DOCK3: variants seen among roughly 807,000 people sequenced by gnomAD.
DOCK3 encodes the protein dedicator of cytokinesis 3, also known as dedicator of cytokinesis protein 3.
In DOCK3, 60 loss-of-function variants were observed where a neutral mutation model predicts 265.6. That is an observed-to-expected ratio of 0.23 (90% CI 0.18 to 0.28). DOCK3 has a LOEUF of 0.28. Ranked by LOEUF, DOCK3 falls within the 10% of genes least tolerant of loss-of-function variation. The probability of loss-of-function intolerance (pLI) is 1.00; values close to 1 mark genes in which losing one functional copy is unlikely to be tolerated. For synonymous variants in DOCK3, 881 were observed against 938.0 expected, an observed-to-expected ratio of 0.94 and a Z score of 1.11; for missense variants, 1,981 against 2,594.3, an observed-to-expected ratio of 0.76 and a Z score of 5.14.
chr3:51,038,135 A>C (rs1275150670), intron 5 of DOCK3, among the ~76,000 whole-genome samples: 1 of 152,170 alleles, frequency 6.6e-6, no homozygotes, highest in East Asian at 1.9e-4. Flanking sequence ...AGTGTTGTCT[A>C]TCCAGATACT....
At chr3:51,263,106 GAC>G (rs2079952102) in intron 23 of DOCK3, among the ~76,000 whole-genome samples, 1 of 152,138 alleles carries the variant, frequency 6.6e-6, no homozygotes, top group African/African-American at 2.4e-5. Context: ...GCAGCCCCAA[GAC>G]ACATAATCGT....
intron 5 of DOCK3, among the ~76,000 whole-genome samples, chr3:51,006,573 C>T (rs966124917): frequency 5.9e-5 from 9 of 152,190 alleles, no homozygotes; most frequent in African/African-American, 1.9e-4. Flanking sequence ...TTCCTAAATA[C>T]TTTGCAAGTC....
chr3:51,020,791 T>C (rs569208501), intron 5 of DOCK3, among the ~76,000 whole-genome samples: 4 of 151,936 alleles, frequency 2.6e-5, no homozygotes, highest in Non-Finnish European at 5.9e-5. Context: ...GTGTGCAGTC[T>C]TATTTCTGAG....
intron 4 of DOCK3, among the ~76,000 whole-genome samples, chr3:50,933,075 G>T (rs186825361): frequency 6.6e-6 from 1 of 152,272 alleles, no homozygotes; most frequent in Non-Finnish European, 1.5e-5. Flanking sequence ...ATCAGATCTT[G>T]TGAGACTTAT....
intron 14 of DOCK3, among the ~76,000 whole-genome samples, chr3:51,221,368 A>G (rs2090090918): frequency 6.6e-6 from 1 of 152,194 alleles, no homozygotes; most frequent in Non-Finnish European, 1.5e-5. Context: ...AGTAAACTAT[A>G]GCCTATGGGC....
chr3:51,085,265 T>G (rs2082378873), intron 7 of DOCK3, among the ~76,000 whole-genome samples: 1 of 152,188 alleles, frequency 6.6e-6, no homozygotes, highest in Admixed American at 6.5e-5. Flanking sequence ...ACTGGACAGA[T>G]TATCCAGACA....
intron 27 of DOCK3, among the ~76,000 whole-genome samples, chr3:51,294,761 G>T (rs2081983885): frequency 1.3e-5 from 2 of 151,752 alleles, no homozygotes; most frequent in South Asian, 2.1e-4. Flanking sequence ...GGGGGTGGGG[G>T]CAGTAGATAG....
chr3:50,769,910 C>T (rs368077373), intron 1 of DOCK3, among the ~76,000 whole-genome samples: 1 of 151,540 alleles, frequency 6.6e-6, no homozygotes, highest in Non-Finnish European at 1.5e-5. Flanking sequence ...AATTGTCCCT[C>T]TTTGCAGGTG....
chr3:51,187,774 T>C (rs1406634706), intron 12 of DOCK3, among the ~76,000 whole-genome samples: 15 of 145,734 alleles, frequency 1.0e-4, no homozygotes, highest in Non-Finnish European at 1.8e-4. Flanking sequence ...TTTTTTTGCC[T>C]GCTGCCATAC....
intron 51 of DOCK3, 100 bp downstream of exon 51, chr3:51,375,935 A>C: frequency 8.2e-7 from 1 of 1,213,928 alleles, no homozygotes; most frequent in East Asian, 2.3e-5. Context: ...GCCATACTTC[A>C]ACACTCAGGT....
chr3:51,112,019 C>G (rs2083541038), intron 9 of DOCK3, among the ~76,000 whole-genome samples: 1 of 152,072 alleles, frequency 6.6e-6, no homozygotes, highest in Non-Finnish European at 1.5e-5. Context: ...TCACACCAGT[C>G]AGAATGGCTA....
chr3:50,834,346 G>T (rs1333437392), intron 2 of DOCK3, among the ~76,000 whole-genome samples: 1 of 152,022 alleles, frequency 6.6e-6, no homozygotes, highest in Non-Finnish European at 1.5e-5. Context: ...AGCCACAATT[G>T]ACTATTAATT....
chr3:51,292,660 A>C (rs545918732), intron 27 of DOCK3, among the ~76,000 whole-genome samples: 1 of 152,276 alleles, frequency 6.6e-6, no homozygotes, highest in South Asian at 2.1e-4. Flanking sequence ...ATTTTTAAAA[A>C]ACAAAATACT....
At chr3:50,765,774 A>G (rs971933424) in intron 1 of DOCK3, among the ~76,000 whole-genome samples, 3 of 152,172 alleles carry the variant, frequency 2.0e-5, no homozygotes, top group Non-Finnish European at 4.4e-5. Flanking sequence ...GAGAACATTC[A>G]AAATCCTCTC....
chr3:51,115,796 A>G (rs943596643), intron 9 of DOCK3, among the ~76,000 whole-genome samples: 2 of 152,172 alleles, frequency 1.3e-5, no homozygotes, highest in African/African-American at 4.8e-5. Flanking sequence ...TTAAGTCTTT[A>G]ATCCATCTTG....
intron 11 of DOCK3, among the ~76,000 whole-genome samples, chr3:51,160,081 A>T (rs1472309142): frequency 6.6e-6 from 1 of 152,234 alleles, no homozygotes; most frequent in African/African-American, 2.4e-5. Context: ...ACTTTCTAAG[A>T]CTACTCTCAG....
chr3:50,901,463 C>CT (rs2049192154), intron 4 of DOCK3, among the ~76,000 whole-genome samples: 1 of 152,018 alleles, frequency 6.6e-6, no homozygotes, highest in Non-Finnish European at 1.5e-5. Flanking sequence ...GGCTTCACCC[C>CT]CTTTCTAGGG....
At chr3:51,193,872 G>A (rs527308921) in intron 12 of DOCK3, among the ~76,000 whole-genome samples, 3 of 144,092 alleles carry the variant, frequency 2.1e-5, no homozygotes, top group African/African-American at 7.7e-5. Context: ...TGAAGAACCA[G>A]CTTTTCTTTT....
intron 14 of DOCK3, among the ~76,000 whole-genome samples, chr3:51,224,798 G>A (rs1410959997): frequency 6.6e-6 from 1 of 151,980 alleles, no homozygotes; most frequent in Non-Finnish European, 1.5e-5. Flanking sequence ...TCATGTTAAA[G>A]GTTTAGGAAT....
Sources: gnomAD v4.1 joint callset for allele counts (sites outside exome capture counted in the v4.1 genomes callset) on GRCh38, gnomAD v4.1.1 for gene constraint, MANE v1.5 for transcripts, NCBI Gene and HGNC (gene_info 2026-07-23, HGNC 2026-07-21) for gene names.